Variants in STIM1 observed in about 807,000 individuals in gnomAD.
STIM1 encodes stromal interaction molecule 1.
A neutral mutation model predicts 74.7 loss-of-function variants in STIM1; 25 were observed. The observed-to-expected ratio is 0.33, with a 90% CI of 0.24 to 0.47. The LOEUF (loss-of-function observed/expected upper bound fraction) is 0.47, where lower values mean the gene tolerates loss of function less well. Among genes scored for constraint, STIM1 ranks in the 20% least tolerant of loss-of-function variants. STIM1 has a pLI of 1.00. For synonymous variants in STIM1, 328 were observed against 348.8 expected, an observed-to-expected ratio of 0.94 and a Z score of 0.66; for missense variants, 728 against 920.8, an observed-to-expected ratio of 0.79 and a Z score of 2.71.
intron 2 of STIM1, among the ~76,000 whole-genome samples, chr11:3,989,977 C>A (rs1008877315): frequency 2.0e-5 from 3 of 152,218 alleles, no homozygotes; most frequent in Non-Finnish European, 4.4e-5. Context: ...TATGTGCAAC[C>A]ATCACCTCAG....
intron 2 of STIM1, among the ~76,000 whole-genome samples, chr11:3,997,161 C>G (rs1040711961): frequency 7.2e-5 from 11 of 152,152 alleles, no homozygotes; most frequent in African/African-American, 2.7e-4. Context: ...GTGTCATGTG[C>G]CCAGTGTTTT....
chr11:3,986,414 T>G (rs2093558724), intron 2 of STIM1, among the ~76,000 whole-genome samples: 1 of 151,958 alleles, frequency 6.6e-6, no homozygotes, highest in African/African-American at 2.4e-5. Flanking sequence ...CTTGAGCAAA[T>G]GTAATAGTGG....
At chr11:3,923,751 A>G (rs115611563) in intron 1 of STIM1, among the ~76,000 whole-genome samples, 1,659 of 152,082 alleles carry the variant, frequency 0.011, 44 homozygotes, top group African/African-American at 0.037. Context: ...CACTGTGCTA[A>G]TTTTTATTTT....
At position 3,989,361 on chromosome 11, in the gene STIM1, T is replaced by G. The variant is rs911534364; in HGVS notation, c.270+21679T>G. 6.3e-6 allele frequency: 5 copies of G among 794,108 alleles called. No homozygotes were observed. In the African/African-American group the frequency reaches 8.4e-5, roughly 13 times the overall value. 49.2% of individuals were successfully genotyped at this position (794,108 alleles called of 1,614,324 possible). A position where few individuals can be genotyped will look rare whatever the true frequency, so the allele number is the denominator to read the frequency against. On this transcript the variant is annotated intron_variant, in intron 2 of 12. Coordinates refer to ENST00000526596, the MANE Select transcript of STIM1 (RefSeq NM_001382567.1). The stretch of plus-strand genomic sequence containing the variant: ...TTGCTGCTGCCTTTTTCGGCTTCGC[T>G]TCCACTTTTGCAGGAGCAGGTTTAG...
At chr11:3,932,666 G>GAAAAA (rs57059104) in intron 1 of STIM1, among the ~76,000 whole-genome samples, 220 of 86,106 alleles carry the variant, frequency 2.6e-3, no homozygotes, top group Non-Finnish European at 3.3e-3. Flanking sequence ...TGTCTCAAAG[G>GAAAAA]AAAAAAAAAA....
chr11:3,992,701 A>G (rs2093627615), intron 2 of STIM1, among the ~76,000 whole-genome samples: 1 of 152,136 alleles, frequency 6.6e-6, no homozygotes, highest in African/African-American at 2.4e-5. Context: ...TGTCAAATCC[A>G]AGGTCGTGAT....
chr11:3,876,818 C>A (rs919107205), intron 1 of STIM1, among the ~76,000 whole-genome samples: 2 of 152,112 alleles, frequency 1.3e-5, no homozygotes, highest in Non-Finnish European at 2.9e-5. Flanking sequence ...ATGAAAACCC[C>A]ATAAAGATAG....
At chr11:4,034,222 C>A (rs1655291480) in intron 3 of STIM1, among the ~76,000 whole-genome samples, 1 of 151,624 alleles carries the variant, frequency 6.6e-6, no homozygotes, top group South Asian at 2.1e-4. Flanking sequence ...GAGTGAGACA[C>A]TGTCTCGGAA....
intron 1 of STIM1, among the ~76,000 whole-genome samples, chr11:3,946,376 A>G (rs372042620): frequency 1.3e-5 from 2 of 152,220 alleles, no homozygotes; most frequent in East Asian, 3.9e-4. Context: ...GGCTGTGTGC[A>G]TGTGGAACCC....
At position 3,976,457 on chromosome 11, in the gene STIM1, A is replaced by C. The variant is rs141782548; in HGVS notation, c.270+8775A>C. Reference sequence around the variant, plus strand: ...GTAATGGCCTAACTGTTCTGTGTCCAGATTGCAAGGGCAGTTACATGAATC... The same window carrying C: ...GTAATGGCCTAACTGTTCTGTGTCCCGATTGCAAGGGCAGTTACATGAATC... On this transcript the variant is annotated intron_variant, in intron 2 of 12. Transcript: ENST00000526596. Among the ~76,000 whole-genome samples, 325 of 152,358 alleles carry C rather than the reference A, an allele frequency of 2.1e-3. 1 individual carries two copies. The highest frequency in any genetic ancestry group is 7.3e-3 in the African/African-American group (304 of 41,580).
At chr11:3,924,877 C>T (rs1022940076) in intron 1 of STIM1, among the ~76,000 whole-genome samples, 3 of 152,134 alleles carry the variant, frequency 2.0e-5, no homozygotes, top group Non-Finnish European at 2.9e-5. Context: ...TTCTCTTGTA[C>T]ATTTTTCCTT....
chr11:4,086,232 G>A, intron 11 of STIM1: 1 of 569,798 alleles, frequency 1.8e-6, no homozygotes, highest in East Asian at 3.0e-5. Context: ...TCCCTTTATA[G>A]TGATATTGCC....
At chr11:4,079,161 G>A (rs567640879) in intron 7 of STIM1, among the ~76,000 whole-genome samples, 1 of 151,900 alleles carries the variant, frequency 6.6e-6, no homozygotes, top group Non-Finnish European at 1.5e-5. Flanking sequence ...CGTGGTGGCG[G>A]GTGTCTGTAA....
chr11:3,923,608 CAAAAA>C (rs770788044), intron 1 of STIM1, among the ~76,000 whole-genome samples: 1 of 108,154 alleles, frequency 9.2e-6, no homozygotes, highest in Non-Finnish European at 2.0e-5. Flanking sequence ...GACCCTATCT[CAAAAA>C]AAAAAAAAAA....
intron 1 of STIM1, among the ~76,000 whole-genome samples, chr11:3,904,318 C>T (rs1241005083): frequency 6.6e-6 from 1 of 151,732 alleles, no homozygotes; most frequent in Non-Finnish European, 1.5e-5. Flanking sequence ...AGACAGAGTG[C>T]CCTGGAGCAT....
chr11:4,014,387 T>C (rs2093874411), intron 2 of STIM1, among the ~76,000 whole-genome samples: 1 of 152,264 alleles, frequency 6.6e-6, no homozygotes, highest in African/African-American at 2.4e-5. Flanking sequence ...TCCTGAGTTC[T>C]AATTTGATTG....
chr11:3,941,681 G>T (rs1342375711), intron 1 of STIM1, among the ~76,000 whole-genome samples: 2 of 147,616 alleles, frequency 1.4e-5, no homozygotes, highest in South Asian at 2.2e-4. Context: ...TATAGAGAGA[G>T]AGAGAGAGAG....
chr11:4,003,044 G>T (rs1197115043), intron 2 of STIM1, among the ~76,000 whole-genome samples: 1 of 150,126 alleles, frequency 6.7e-6, no homozygotes, highest in Non-Finnish European at 1.5e-5. Context: ...CCAGGAAGAA[G>T]TTGAATCTCT....
chr11:3,983,149 G>A (rs2093523471), intron 2 of STIM1, among the ~76,000 whole-genome samples: 1 of 152,158 alleles, frequency 6.6e-6, no homozygotes, highest in Non-Finnish European at 1.5e-5. Flanking sequence ...GGCCAGGCTG[G>A]TCTCCAACTC....
Sources: allele counts gnomAD v4.1 joint callset (sites outside exome capture counted in the v4.1 genomes callset), GRCh38; gene constraint gnomAD v4.1.1; transcripts MANE v1.5; gene names NCBI Gene and HGNC (gene_info 2026-07-23, HGNC 2026-07-21).